DENND2B: variants seen among roughly 807,000 people sequenced by gnomAD.
The protein encoded by DENND2B is DENN domain containing 2B.
Under a neutral mutation model 116.0 loss-of-function variants are expected in DENND2B, and 32 were observed. That is an observed-to-expected ratio of 0.28 (90% CI 0.21 to 0.37). The LOEUF is 0.37. Among genes scored for constraint, DENND2B ranks in the 10% least tolerant of loss-of-function variants. The probability of loss-of-function intolerance (pLI) is 1.00; values close to 1 mark genes in which losing one functional copy is unlikely to be tolerated. For synonymous variants in DENND2B, 588 were observed against 583.9 expected (o/e 1.01, Z -0.10); for missense variants, 1,276 against 1,477.7 (o/e 0.86, Z 2.24).
At chr11:8,899,557 GA>G (rs201315459) in intron 1 of DENND2B, among the ~76,000 whole-genome samples, 34 of 148,842 alleles carry the variant, frequency 2.3e-4, no homozygotes, top group South Asian at 1.3e-3. Flanking sequence ...GTGTTTAAAG[GA>G]AAAAAAAAAT....
chr11:8,773,193 T>C (rs1161226060), intron 1 of DENND2B, among the ~76,000 whole-genome samples: 1 of 152,022 alleles, frequency 6.6e-6, no homozygotes. Flanking sequence ...AAATGGAGAA[T>C]GTGCCTGGGA....
intron 4 of DENND2B, among the ~76,000 whole-genome samples, chr11:8,822,156 T>G (rs943268852): frequency 2.6e-5 from 4 of 151,446 alleles, no homozygotes; most frequent in Admixed American, 6.6e-5. Context: ...ACTATACATA[T>G]AAAAATAGAC....
intron 1 of DENND2B, among the ~76,000 whole-genome samples, chr11:8,766,168 A>G (rs543258693): frequency 6.6e-6 from 1 of 152,268 alleles, no homozygotes; most frequent in South Asian, 2.1e-4. Flanking sequence ...GGTGTTTTTA[A>G]GTCTCTGTTC....
At chr11:8,864,169 A>G (rs2063499824) in intron 2 of DENND2B, among the ~76,000 whole-genome samples, 1 of 152,148 alleles carries the variant, frequency 6.6e-6, no homozygotes, top group Non-Finnish European at 1.5e-5. Context: ...GCTTCCAGAG[A>G]CCAGAGTGTT....
At chr11:8,890,562 G>GA (rs1251565533) in intron 1 of DENND2B, among the ~76,000 whole-genome samples, 1 of 152,164 alleles carries the variant, frequency 6.6e-6, no homozygotes, top group African/African-American at 2.4e-5. Context: ...TGATGGAGCT[G>GA]AAAACCATGG....
chr11:8,770,783 T>G (rs2056719223), intron 1 of DENND2B, among the ~76,000 whole-genome samples: 2 of 152,178 alleles, frequency 1.3e-5, no homozygotes, highest in Non-Finnish European at 1.5e-5. Flanking sequence ...CCTGAACTCC[T>G]GGCTAAAATG....
chr11:8,798,384 G>A (rs1485292696), intron 1 of DENND2B, among the ~76,000 whole-genome samples: 1 of 152,148 alleles, frequency 6.6e-6, no homozygotes, highest in Non-Finnish European at 1.5e-5. Flanking sequence ...TGGAATCCCA[G>A]GGAAAGATTG....
intron 3 of DENND2B, among the ~76,000 whole-genome samples, chr11:8,841,220 T>A (rs1268842947): frequency 2.0e-5 from 3 of 152,236 alleles, no homozygotes. Context: ...CAAATGTCTC[T>A]TCTTATATGT....
intron 2 of DENND2B, among the ~76,000 whole-genome samples, chr11:8,857,918 T>C (rs2063252058): frequency 6.6e-6 from 1 of 152,178 alleles, no homozygotes. Flanking sequence ...CTCGACCAAA[T>C]CCAATCTCTC....
At chr11:8,811,787 G>A (rs2061386880), upstream of DENND2B, among the ~76,000 whole-genome samples, 1 of 152,134 alleles carries the variant, frequency 6.6e-6, no homozygotes, top group African/African-American at 2.4e-5. Flanking sequence ...AAGCTGGAAT[G>A]CATTGGTGCA....
At chr11:8,803,062 G>C (rs886962705) in intron 1 of DENND2B, among the ~76,000 whole-genome samples, 1 of 152,194 alleles carries the variant, frequency 6.6e-6, no homozygotes, top group African/African-American at 2.4e-5. Context: ...AAGGAATCTA[G>C]TTGAAAACAC....
chr11:8,816,829 G>C (rs1478145420), intron 4 of DENND2B, among the ~76,000 whole-genome samples: 2 of 152,156 alleles, frequency 1.3e-5, no homozygotes, highest in African/African-American at 4.8e-5. Context: ...CTCCACATGA[G>C]AGGGCTGGAC....
chr11:8,697,993 G>A, intron 16 of DENND2B: 1 of 432,716 alleles, frequency 2.3e-6, no homozygotes. Context: ...AAAACAATTA[G>A]TCAAGTATGG....
intron 4 of DENND2B, among the ~76,000 whole-genome samples, chr11:8,828,580 C>A (rs1004081426): frequency 5.3e-5 from 8 of 152,090 alleles, no homozygotes; most frequent in African/African-American, 1.4e-4. Context: ...TCCTCTCCTG[C>A]CATGTGGGGT....
chr11:8,775,932 C>G (rs2057561849), intron 1 of DENND2B, among the ~76,000 whole-genome samples: 1 of 152,114 alleles, frequency 6.6e-6, no homozygotes, highest in Non-Finnish European at 1.5e-5. Context: ...AAGTGACAGA[C>G]TAAGCATCCT....
rs963453716 is a variant in DENND2B at position 8,840,506 on chromosome 11, G to A, written c.-155-1156C>T. 5.3e-5 allele frequency among the ~76,000 whole-genome samples: 8 copies of A among 152,096 alleles called. No individual in the cohort carries two copies. The East Asian group carries it at 1.3e-3, about 26-fold the overall frequency. The stretch of plus-strand genomic sequence containing the variant: ...TTCCCACACCCCTCCCAGCACCAAC[G>A]CAATGAACAGCTGCCCTGGAGAAAA... On this transcript the variant is annotated intron_variant, in intron 3 of 6. Transcript: ENST00000524757.
At chr11:8,699,456 C>CTTTGA in intron 14 of DENND2B, 66 bp from the exon 15 acceptor site, 1 of 1,480,516 alleles carries the variant, frequency 6.8e-7, no homozygotes, top group Non-Finnish European at 9.0e-7. Context: ...TCGCTGGAGG[C>CTTTGA]TCAGGACAGC....
At chr11:8,824,369 A>T (rs947628395) in intron 4 of DENND2B, among the ~76,000 whole-genome samples, 1 of 152,118 alleles carries the variant, frequency 6.6e-6, no homozygotes, top group Non-Finnish European at 1.5e-5. Flanking sequence ...ACCCTCAAGT[A>T]GGCCTTGGTG....
chr11:8,871,550 C>G (rs889714471), upstream of DENND2B: 1 of 152,106 alleles, frequency 6.6e-6, no homozygotes, highest in East Asian at 1.9e-4. Context: ...TCAAACAAAC[C>G]GATGAGCTCT....
Sources: gnomAD v4.1 joint callset for allele counts (sites outside exome capture counted in the v4.1 genomes callset) on GRCh38, gnomAD v4.1.1 for gene constraint, MANE v1.5 for transcripts, NCBI Gene and HGNC (gene_info 2026-07-23, HGNC 2026-07-21) for gene names.